The following FHIT variants were observed in gnomAD, a reference collection of about 807,000 sequenced individuals.
FHIT encodes the protein fragile histidine triad diadenosine triphosphatase.
Under a neutral mutation model 17.9 loss-of-function variants are expected in FHIT, and 19 were observed. The ratio of observed to expected loss-of-function variants is 1.06; its 90% confidence interval spans 0.74 to 1.56. The LOEUF is 1.56. Among genes scored for constraint, FHIT ranks in the 40% most tolerant of loss-of-function variants. The pLI, the probability that FHIT is intolerant of heterozygous loss-of-function variation, is 0.00. For missense variants in FHIT, 248 were observed against 189.2 expected (o/e 1.31, Z -1.82); for synonymous variants, 81 against 69.7 (o/e 1.16, Z -0.81).
intron 5 of FHIT, among the ~76,000 whole-genome samples, chr3:60,061,325 C>G (rs1702285485): frequency 6.6e-6 from 1 of 152,196 alleles, no homozygotes; most frequent in Non-Finnish European, 1.5e-5. Flanking sequence ...AACCTTGAGT[C>G]CACAACATAC....
At chr3:59,866,311 T>C (rs675743) in intron 8 of FHIT, among the ~76,000 whole-genome samples, 82,799 of 151,472 alleles carry the variant, frequency 0.55, 23,952 homozygotes, top group African/African-American at 0.75. Context: ...GAAACAAGCT[T>C]AACGTGTCCA....
chr3:60,386,205 C>G (rs371698572), intron 5 of FHIT, among the ~76,000 whole-genome samples: 1 of 152,078 alleles, frequency 6.6e-6, no homozygotes, highest in East Asian at 1.9e-4. Flanking sequence ...AGACTCTCTC[C>G]TTCCCTGCCT....
intron 2 of FHIT, among the ~76,000 whole-genome samples, chr3:61,193,446 T>C (rs2107217222): frequency 6.6e-6 from 1 of 152,296 alleles, no homozygotes; most frequent in South Asian, 2.1e-4. Context: ...CAACAATGCA[T>C]GGACAAGAAG....
chr3:60,919,460 C>T (rs1168030540), intron 3 of FHIT, among the ~76,000 whole-genome samples: 1 of 150,140 alleles, frequency 6.7e-6, no homozygotes, highest in African/African-American at 2.5e-5. Context: ...ACAGATGACT[C>T]ACAAAATACT....
intron 3 of FHIT, among the ~76,000 whole-genome samples, chr3:60,902,636 G>A (rs1553763470): frequency 6.6e-6 from 1 of 152,194 alleles, no homozygotes; most frequent in African/African-American, 2.4e-5. Context: ...AATGGAAACT[G>A]TTTCTGGTAG....
At chr3:60,212,838 T>A (rs778041875) in intron 5 of FHIT, among the ~76,000 whole-genome samples, 1 of 152,272 alleles carries the variant, frequency 6.6e-6, no homozygotes, top group Non-Finnish European at 1.5e-5. Flanking sequence ...GGCGGAGCAA[T>A]CCTGGGCGCT....
At chr3:60,577,730 G>A (rs1436177593) in intron 4 of FHIT, among the ~76,000 whole-genome samples, 3 of 152,090 alleles carry the variant, frequency 2.0e-5, no homozygotes, top group Non-Finnish European at 4.4e-5. Context: ...ATATACAACC[G>A]TTCGGCTGCC....
chr3:61,231,183 A>G (rs2040090916), intron 1 of FHIT, among the ~76,000 whole-genome samples: 1 of 152,216 alleles, frequency 6.6e-6, no homozygotes, highest in Non-Finnish European at 1.5e-5. Flanking sequence ...AACTATCTAA[A>G]TAAAAATTTC....
chr3:60,415,752 T>G (rs1038919691), intron 5 of FHIT, among the ~76,000 whole-genome samples: 1 of 149,966 alleles, frequency 6.7e-6, no homozygotes, highest in East Asian at 1.9e-4. Context: ...AAAAAAAGTC[T>G]CTATCATGGA....
chr3:59,757,868 C>G (rs1666065), intron 8 of FHIT, among the ~76,000 whole-genome samples: 34,733 of 152,048 alleles, frequency 0.23, 4,477 homozygotes, highest in South Asian at 0.35. Flanking sequence ...CTGATCCTCT[C>G]TTATTACTTT....
chr3:60,417,068 G>T (rs186649608), intron 5 of FHIT, among the ~76,000 whole-genome samples: 1 of 148,896 alleles, frequency 6.7e-6, no homozygotes, highest in Non-Finnish European at 1.5e-5. Context: ...CAGCCTGGTC[G>T]ACAGAGGGAG....
At chr3:59,945,566 T>C (rs1706760658) in intron 7 of FHIT, among the ~76,000 whole-genome samples, 1 of 152,130 alleles carries the variant, frequency 6.6e-6, no homozygotes, top group Non-Finnish European at 1.5e-5. Context: ...CACAATTGCT[T>C]TTGGCATCTT....
intron 2 of FHIT, among the ~76,000 whole-genome samples, chr3:61,151,142 T>C (rs969023876): frequency 6.6e-6 from 1 of 152,260 alleles, no homozygotes; most frequent in Non-Finnish European, 1.5e-5. Flanking sequence ...TGGCTTCTTA[T>C]ATTACTGCTT....
intron 5 of FHIT, among the ~76,000 whole-genome samples, chr3:60,129,901 T>G (rs1181900477): frequency 1.3e-5 from 2 of 152,166 alleles, no homozygotes; most frequent in East Asian, 3.9e-4. Context: ...AAAAATCCTG[T>G]CTCTTCTCAC....
chr3:60,788,615 A>G (rs1053394205), intron 4 of FHIT, among the ~76,000 whole-genome samples: 2 of 152,308 alleles, frequency 1.3e-5, no homozygotes, highest in East Asian at 1.9e-4. Context: ...AGGTATGTAC[A>G]TATATACAGC....
chr3:60,429,169 A>G (rs1409287671), intron 5 of FHIT, among the ~76,000 whole-genome samples: 2 of 152,064 alleles, frequency 1.3e-5, no homozygotes, highest in African/African-American at 4.8e-5. Flanking sequence ...TACGACATTC[A>G]TAAAAATTTT....
At chr3:60,519,486 C>G (rs2035278774) in intron 5 of FHIT, among the ~76,000 whole-genome samples, 1 of 152,130 alleles carries the variant, frequency 6.6e-6, no homozygotes, top group South Asian at 2.1e-4. Flanking sequence ...AACTTAACTA[C>G]TAGTAGACTA....
At chr3:60,640,084 C>T (rs1402544551) in intron 4 of FHIT, among the ~76,000 whole-genome samples, 4 of 152,094 alleles carry the variant, frequency 2.6e-5, no homozygotes, top group East Asian at 1.9e-4. Context: ...GCAAAATCAC[C>T]GCTAGTGACA....
chr3:60,427,147 A>G (rs1217915918), intron 5 of FHIT, among the ~76,000 whole-genome samples: 1 of 152,144 alleles, frequency 6.6e-6, no homozygotes, highest in African/African-American at 2.4e-5. Flanking sequence ...AAAGCCTAAA[A>G]GAAATTCTAC....
Sources: allele counts gnomAD v4.1 joint callset (sites outside exome capture counted in the v4.1 genomes callset), GRCh38; gene constraint gnomAD v4.1.1; transcripts MANE v1.5; gene names NCBI Gene and HGNC (gene_info 2026-07-23, HGNC 2026-07-21).